The following STOX1 variants were observed in gnomAD, a reference collection of about 807,000 sequenced individuals.
The protein encoded by STOX1 is storkhead-box protein 1.
Under a neutral mutation model 74.8 loss-of-function variants are expected in STOX1, and 57 were observed. The ratio of observed to expected loss-of-function variants is 0.76; its 90% CI spans 0.62 to 0.95. STOX1 has a LOEUF of 0.95. Ranked by LOEUF, STOX1 falls within the 40% of genes least tolerant of loss-of-function variation. The pLI is 0.00. For synonymous variants in STOX1, 375 were observed against 401.3 expected (o/e 0.93, Z 0.78); for missense variants, 1,010 against 1,117.0 (o/e 0.90, Z 1.37).
intron 3 of STOX1, among the ~76,000 whole-genome samples, chr10:68,889,353 A>G (rs978752408): frequency 6.6e-6 from 1 of 152,200 alleles, no homozygotes; most frequent in Non-Finnish European, 1.5e-5. Flanking sequence ...TGTGGAGACA[A>G]TATATTGCTA....
intron 2 of STOX1, among the ~76,000 whole-genome samples, chr10:68,883,508 G>C (rs754433597): frequency 6.6e-6 from 1 of 152,096 alleles, no homozygotes; most frequent in East Asian, 1.9e-4. Flanking sequence ...TGCCTCCAAG[G>C]GTTCAAGCAA....
intron 3 of STOX1, among the ~76,000 whole-genome samples, chr10:68,886,895 G>C (rs973381461): frequency 6.6e-6 from 1 of 151,594 alleles, no homozygotes; most frequent in African/African-American, 2.4e-5. Flanking sequence ...ACTCCAGCCT[G>C]GTGATGGAGC....
At chr10:68,868,616 G>A (rs1199819938) in intron 1 of STOX1, among the ~76,000 whole-genome samples, 1 of 152,172 alleles carries the variant, frequency 6.6e-6, no homozygotes, top group Non-Finnish European at 1.5e-5. Context: ...GCTGAGGCAG[G>A]AGAATCTCCT....
intron 1 of STOX1, chr10:68,828,379 G>C: frequency 1.2e-6 from 1 of 852,408 alleles, no homozygotes; most frequent in Non-Finnish European, 1.5e-6. Context: ...GCTAGGCGCT[G>C]CTCTGAGGGC....
chr10:68,889,095 C>T (rs1365624066), intron 3 of STOX1, among the ~76,000 whole-genome samples: 1 of 152,110 alleles, frequency 6.6e-6, no homozygotes, highest in Non-Finnish European at 1.5e-5. Context: ...ATCCCCCAAC[C>T]TCAGCTTCTG....
intron 1 of STOX1, among the ~76,000 whole-genome samples, chr10:68,869,021 A>G (rs1840473071): frequency 1.3e-5 from 2 of 152,206 alleles, no homozygotes; most frequent in Admixed American, 6.5e-5. Context: ...GACCAACTCC[A>G]CTATTCCTTT....
At chr10:68,832,044 T>C (rs1362557282) in intron 1 of STOX1, among the ~76,000 whole-genome samples, 1 of 151,588 alleles carries the variant, frequency 6.6e-6, no homozygotes, top group Non-Finnish European at 1.5e-5. Flanking sequence ...TGATTACCAG[T>C]GTGAGCCACC....
At chr10:68,829,137 A>G in intron 1 of STOX1, 2 of 299,916 alleles carry the variant, frequency 6.7e-6, no homozygotes, top group Non-Finnish European at 9.8e-6. Flanking sequence ...GTATTAGTCC[A>G]TAAATCATCC....
At chr10:68,871,491 G>A (rs903926455) in intron 1 of STOX1, among the ~76,000 whole-genome samples, 1 of 152,234 alleles carries the variant, frequency 6.6e-6, no homozygotes, top group Non-Finnish European at 1.5e-5. Context: ...ATCTTCCCAA[G>A]GGAAGCCTTT....
At position 68,892,900 on chromosome 10, in the gene STOX1, CT is replaced by C. The variant is rs1380707574; in HGVS notation, c.*168del. 1.2e-5 allele frequency: 9 copies of C among 740,614 alleles called. No individual in the cohort carries two copies. In the Middle Eastern group the frequency reaches 1.2e-3, roughly 97 times the overall value. 45.9% of individuals were successfully genotyped at this position (740,614 alleles called of 1,614,324 possible). A position where few individuals can be genotyped will look rare whatever the true frequency, so the allele number is the denominator to read the frequency against. On this transcript the variant is annotated 3_prime_UTR_variant, in exon 4 of 4. Transcript: ENST00000298596. ...GTTCTAATTACTGGCTTTTTTTCCT[CT>C]TTTGGTGTCTTAAGGCTTTTTGAAG... is the stretch of plus-strand genomic sequence containing the variant.
rs944406696 is a variant in STOX1, at chr10:68,843,540, TTTG to T, written c.310+15624_310+15626del. Among the ~76,000 whole-genome samples, 412 of 151,982 alleles carry T rather than the reference TTTG, an allele frequency of 2.7e-3. 2 individuals carry two copies. The highest frequency in any genetic ancestry group is 8.8e-3 in the African/African-American group (365 of 41,454). On this transcript the variant is annotated intron_variant, in intron 1 of 3. Coordinates refer to ENST00000298596, the MANE Select transcript of STOX1 (RefSeq NM_152709.5). ...TGTTATTATTTTTGTTACCGGTTTT[TTTG>T]TTGTTGTTGTTGTTGTGATGGAATT...
intron 2 of STOX1, among the ~76,000 whole-genome samples, chr10:68,883,535 T>A (rs1454330751): frequency 6.6e-6 from 1 of 151,970 alleles, no homozygotes; most frequent in East Asian, 1.9e-4. Context: ...CACCTCAGCC[T>A]CCAAAGCATC....
intron 1 of STOX1, among the ~76,000 whole-genome samples, chr10:68,846,177 C>G (rs971489409): frequency 7.2e-6 from 1 of 138,650 alleles, no homozygotes; most frequent in Non-Finnish European, 1.6e-5. Context: ...GACGGAGTCT[C>G]GCTCTGTCAC....
chr10:68,860,035 T>C (rs1840222927), intron 1 of STOX1, among the ~76,000 whole-genome samples: 1 of 151,948 alleles, frequency 6.6e-6, no homozygotes, highest in Non-Finnish European at 1.5e-5. Flanking sequence ...CTCATGCCTG[T>C]AATCCCAGCA....
rs115799537 is a variant in STOX1 at position 68,837,608 on chromosome 10, C to T, written c.310+9675C>T. Among the ~76,000 whole-genome samples, 432 of 152,286 alleles carry T rather than the reference C, an allele frequency of 2.8e-3. 1 individual carries two copies. Among genetic ancestry groups the T allele is most frequent in the African/African-American group, 9.7e-3 (405 of 41,546 alleles). ...CATCAATGGTTGTCTGGAATGGTGG[C>T]GCCTTGGAAGGGTGATGTAAGCCCC... is the stretch of plus-strand genomic sequence containing the variant. On this transcript the variant is annotated intron_variant, in intron 1 of 3. Transcript: ENST00000298596.
intron 1 of STOX1, among the ~76,000 whole-genome samples, chr10:68,833,085 T>G (rs890273966): frequency 4.2e-5 from 6 of 142,614 alleles, no homozygotes; most frequent in Non-Finnish European, 6.1e-5. Context: ...TGTGGGTTTT[T>G]TTTTTTTTTT....
At chr10:68,883,023 T>A in intron 2 of STOX1, among the ~76,000 whole-genome samples, 1 of 152,108 alleles carries the variant, frequency 6.6e-6, no homozygotes, top group Admixed American at 6.5e-5. Context: ...GCCTCCCAAG[T>A]AGCTGGGACC....
chr10:68,876,669 A>G (rs1840686687), intron 1 of STOX1, among the ~76,000 whole-genome samples: 1 of 152,198 alleles, frequency 6.6e-6, no homozygotes, highest in Non-Finnish European at 1.5e-5. Context: ...GTGTAAACAG[A>G]GAACGCTGTT....
At chr10:68,837,981 C>T (rs920157807) in intron 1 of STOX1, among the ~76,000 whole-genome samples, 37 of 151,782 alleles carry the variant, frequency 2.4e-4, no homozygotes, top group Admixed American at 2.4e-3. Context: ...CTGTCTTTCA[C>T]CTCCTTAGTT....
Sources: gnomAD v4.1 joint callset for allele counts (sites outside exome capture counted in the v4.1 genomes callset) on GRCh38, gnomAD v4.1.1 for gene constraint, MANE v1.5 for transcripts, NCBI Gene and HGNC (gene_info 2026-07-23, HGNC 2026-07-21) for gene names.